The following CCDC134 variants were observed in gnomAD, a reference collection of about 807,000 sequenced individuals.
CCDC134 encodes coiled-coil domain containing 134.
A neutral mutation model predicts 25.6 loss-of-function variants in CCDC134; 27 were observed. That is an observed-to-expected ratio of 1.05 (90% confidence interval 0.78 to 1.45). The LOEUF (loss-of-function observed/expected upper bound fraction) is 1.45, where lower values mean the gene tolerates loss of function less well. Ranked by LOEUF, CCDC134 falls within the 40% of genes most tolerant of loss-of-function variation. The pLI, the probability that CCDC134 is intolerant of heterozygous loss-of-function variation, is 0.00. For missense variants in CCDC134, 261 were observed against 286.7 expected (o/e 0.91, Z 0.65); for synonymous variants, 110 against 115.0 (o/e 0.96, Z 0.28).
At position 41,826,167 on chromosome 22, in the gene CCDC134, G is replaced by A; in HGVS notation, c.*344G>A. Reference sequence around the variant, plus strand: ...GGCTTCCGCCCTTGGTGGGGAAGCAGCAGAACTAGGTTCTGAGCCACGGGT... The same window carrying A: ...GGCTTCCGCCCTTGGTGGGGAAGCAACAGAACTAGGTTCTGAGCCACGGGT... On this transcript the variant is annotated 3_prime_UTR_variant, in exon 7 of 7. Coordinates refer to ENST00000255784, the MANE Select transcript of CCDC134 (RefSeq NM_024821.5). 4.4e-6 allele frequency: 1 copy of A among 228,502 alleles called. No individual in the cohort carries two copies. Among genetic ancestry groups the A allele is most frequent in the Non-Finnish European group, 8.9e-6 (1 of 112,682 alleles). 14.2% of individuals were successfully genotyped at this position (228,502 alleles called of 1,614,324 possible).
At chr22:41,807,681 G>A (rs1312517259) in intron 1 of CCDC134, among the ~76,000 whole-genome samples, 2 of 152,186 alleles carry the variant, frequency 1.3e-5, no homozygotes, top group Non-Finnish European at 2.9e-5. Flanking sequence ...AGGCAGCAAT[G>A]TATGTCCTGG....
At chr22:41,802,010 G>A (rs1263782349) in intron 1 of CCDC134, among the ~76,000 whole-genome samples, 1 of 152,166 alleles carries the variant, frequency 6.6e-6, no homozygotes, top group African/African-American at 2.4e-5. Flanking sequence ...GCAGTTGCAG[G>A]GCAGATGTCC....
In CCDC134 at chr22:41,829,173, C is replaced by G. The variant is rs2148325133; in HGVS notation, c.*3350C>G. 6.6e-6 allele frequency among the ~76,000 whole-genome samples: 1 copy of G among 152,298 alleles called. No individual in the cohort carries two copies. Among genetic ancestry groups the G allele is most frequent in the Admixed American group, 6.5e-5 (1 of 15,300 alleles). ...ACTGGGAGGGAAAACCTCTCTGGTCCACAGCCCTTCTCCTTATTCCAGTCC... is the reference window on the plus strand; with the variant it reads ...ACTGGGAGGGAAAACCTCTCTGGTCGACAGCCCTTCTCCTTATTCCAGTCC... On this transcript the variant is annotated 3_prime_UTR_variant, in exon 7 of 7. Coordinates refer to ENST00000255784, the MANE Select transcript of CCDC134 (RefSeq NM_024821.5).
rs2076673587 is a variant in CCDC134 at position 41,825,668 on chromosome 22, TA to T, written c.565-27del. The stretch of plus-strand genomic sequence containing the variant: ...GAGCAGGCTCTTTGCTGCCACAGAC[TA>T]AATCAGACTGCTCTTCTCTTCCCTT... On this transcript the variant is annotated intron_variant, in intron 6 of 6. Transcript: ENST00000255784. The surrounding 1 kb of genome is among the most constrained non-coding windows in gnomAD (Gnocchi z 4.4). 1 of 1,613,306 alleles carries T rather than the reference TA, an allele frequency of 6.2e-7. No individual in the cohort carries two copies. The highest frequency in any genetic ancestry group is 1.3e-5 in the African/African-American group (1 of 74,980).
At chr22:41,820,066 GCTCACTGCAAGCT>G (rs889106603) in intron 6 of CCDC134, among the ~76,000 whole-genome samples, 2 of 146,320 alleles carry the variant, frequency 1.4e-5, no homozygotes, top group Admixed American at 6.8e-5. Context: ...CGCGATCTTG[GCTCACTGCAAGCT>G]CTGCCTCCCA....
In CCDC134 at chr22:41,827,175, T is replaced by C. The variant is rs919772921; in HGVS notation, c.*1352T>C. ...AAGGGCCCAGAACATCCTGCACCCA[T>C]CAGTTACTCGGAAGTAAGGGGACAA... is the stretch of plus-strand genomic sequence containing the variant. On this transcript the variant is annotated 3_prime_UTR_variant, in exon 7 of 7. Coordinates refer to ENST00000255784, the MANE Select transcript of CCDC134 (RefSeq NM_024821.5). 2.0e-5 allele frequency among the ~76,000 whole-genome samples: 3 copies of C among 152,174 alleles called. No individual in the cohort carries two copies. The highest frequency in any genetic ancestry group is 4.4e-5 in the Non-Finnish European group (3 of 68,036).
At position 41,829,435 on chromosome 22, in the gene CCDC134, G is replaced by A. The variant is rs189725289; in HGVS notation, c.*3612G>A. On this transcript the variant is annotated 3_prime_UTR_variant, in exon 7 of 7. Coordinates refer to ENST00000255784, the MANE Select transcript of CCDC134 (RefSeq NM_024821.5). ...AGACCTAAAAGCTGAATACTCGCCC[G>A]GTTACTACCTGATAATTCTCATCGC... Among the ~76,000 whole-genome samples the A allele has an allele frequency of 3.4e-4, 52 of 152,270 alleles. No individual in the cohort carries two copies. The highest frequency in any genetic ancestry group is 2.0e-3 in the Admixed American group (30 of 15,298).
chr22:41,804,727 T>A (rs1452371738), intron 1 of CCDC134, among the ~76,000 whole-genome samples: 1 of 152,186 alleles, frequency 6.6e-6, no homozygotes, highest in African/African-American at 2.4e-5. Context: ...AAGTATGATA[T>A]TCTAGTTAAA....
At chr22:41,811,205 C>T (rs1169837228) in intron 4 of CCDC134, among the ~76,000 whole-genome samples, 1 of 152,118 alleles carries the variant, frequency 6.6e-6, no homozygotes, top group Non-Finnish European at 1.5e-5. Context: ...GGGGGACTTG[C>T]TACCATGATG....
rs186096677 is a variant in CCDC134 at position 41,803,907 on chromosome 22, G to A, written c.-17+3141G>A. 1.2e-3 allele frequency among the ~76,000 whole-genome samples: 176 copies of A among 152,140 alleles called. 3 individuals are homozygous for A. The East Asian group carries it at 0.031, about 26-fold the overall frequency. On this transcript the variant is annotated intron_variant, in intron 1 of 6. Coordinates refer to ENST00000255784, the MANE Select transcript of CCDC134 (RefSeq NM_024821.5). ...AGCACTTTGGGAGGCTGAGACGGGC[G>A]GATCACGAGGGCAGGAGATGGAGAC... is the stretch of plus-strand genomic sequence containing the variant.
intron 6 of CCDC134, among the ~76,000 whole-genome samples, chr22:41,816,055 C>G (rs1276813913): frequency 9.9e-5 from 15 of 152,204 alleles, no homozygotes; most frequent in Admixed American, 6.5e-5. Context: ...TAAGACCAAT[C>G]TGTTATCCAC....
At chr22:41,810,838 T>C (rs1723105377) in intron 4 of CCDC134, among the ~76,000 whole-genome samples, 1 of 152,138 alleles carries the variant, frequency 6.6e-6, no homozygotes, top group East Asian at 1.9e-4. Context: ...CGGACAGCTC[T>C]TATATATTAA....
intron 6 of CCDC134, among the ~76,000 whole-genome samples, chr22:41,814,387 G>A (rs1469601144): frequency 6.6e-6 from 1 of 152,156 alleles, no homozygotes; most frequent in Non-Finnish European, 1.5e-5. Flanking sequence ...CCAATATGGT[G>A]AAACTCTGTC....
intron 5 of CCDC134, 104 bp downstream of exon 5, chr22:41,813,549 T>A: frequency 7.2e-7 from 1 of 1,390,230 alleles, no homozygotes; most frequent in Non-Finnish European, 9.9e-7. Context: ...CTTGGTTACA[T>A]TTTCTTTGTG....
chr22:41,807,915 C>T (rs977870091), intron 1 of CCDC134, among the ~76,000 whole-genome samples: 2 of 152,024 alleles, frequency 1.3e-5, no homozygotes, highest in African/African-American at 4.8e-5. Context: ...AATCCCAGCA[C>T]TTTGGGAGGA....
chr22:41,807,990 G>A (rs572788675), intron 1 of CCDC134, among the ~76,000 whole-genome samples: 10 of 152,084 alleles, frequency 6.6e-5, no homozygotes, highest in Admixed American at 2.6e-4. Flanking sequence ...GAGAAACCCC[G>A]TCTCTACTGA....
chr22:41,823,451 C>T (rs2076661762), intron 6 of CCDC134, among the ~76,000 whole-genome samples: 1 of 151,926 alleles, frequency 6.6e-6, no homozygotes, highest in African/African-American at 2.4e-5. Flanking sequence ...GTCTTGAACT[C>T]CTGACCTCAA....
At chr22:41,812,777 CACAG>C (rs1397301086) in intron 4 of CCDC134, among the ~76,000 whole-genome samples, 1 of 152,148 alleles carries the variant, frequency 6.6e-6, no homozygotes, top group African/African-American at 2.4e-5. Context: ...CCTGAGGTCT[CACAG>C]ACACTCTAGT....
At chr22:41,823,947 C>T (rs570539845) in intron 6 of CCDC134, among the ~76,000 whole-genome samples, 1 of 152,318 alleles carries the variant, frequency 6.6e-6, no homozygotes, top group African/African-American at 2.4e-5. Context: ...TTGAACTAAA[C>T]CACTTTATTC....
Sources: allele counts gnomAD v4.1 joint callset (sites outside exome capture counted in the v4.1 genomes callset), GRCh38; gene constraint gnomAD v4.1.1; non-coding constraint Gnocchi (gnomAD v3.1); transcripts MANE v1.5; gene names NCBI Gene and HGNC (gene_info 2026-07-23, HGNC 2026-07-21).